The following PLEKHG3 variants were observed in gnomAD, a reference collection of about 807,000 sequenced individuals.
PLEKHG3 encodes the protein pleckstrin homology domain-containing family G member 3.
PLEKHG3 carries 62 observed loss-of-function variants against 94.9 expected under a neutral mutation model. The ratio of observed to expected loss-of-function variants is 0.65; its 90% confidence interval spans 0.53 to 0.81. The LOEUF is 0.81. PLEKHG3 is among the 30% of genes least tolerant of loss of function. The pLI is 0.00. For synonymous variants in PLEKHG3, 614 were observed against 654.0 expected (o/e 0.94, Z 0.93); for missense variants, 1,461 against 1,619.3 (o/e 0.90, Z 1.68).
Position 64,738,792 on chromosome 14 carries a change from T to A in PLEKHG3, c.1455T>A (p.Ser485Arg). Residue 485 changes from serine to arginine, a missense_variant, in exon 15 of 17, where the codon AGT becomes AGA. Physicochemically the swap from Ser to Arg is moderately radical, Grantham distance 110. This residue lies in a region of PLEKHG3 where 1,201 missense variants were observed against 1,295.5 expected (regional missense o/e 0.93). Transcript: ENST00000247226. This position sits in a 1 kb window ranked among gnomAD's most constrained non-coding sequence, Gnocchi z 4.8. ...GCTCCAGGAGCAGCAGAAGGCCCAG[T>A]GGCCGGTCTCCAACCAGTACTGAGA... ...SESSRSSRRP[S>R]GRSPTSTEKR... 1 of 1,600,822 alleles carries A rather than the reference T, an allele frequency of 6.2e-7. No individual in the cohort carries two copies. The highest frequency in any genetic ancestry group is 8.5e-7 in the Non-Finnish European group (1 of 1,173,374).
At chr14:64,735,035 A>G (rs930566461) in intron 12 of PLEKHG3, among the ~76,000 whole-genome samples, 1 of 152,122 alleles carries the variant, frequency 6.6e-6, no homozygotes. Flanking sequence ...TGAAATAGAC[A>G]TCTTTCTAAA....
rs757759889 is a variant in PLEKHG3 at position 64,731,856 on chromosome 14, C to T, written c.1125+50C>T. On this transcript the variant is annotated intron_variant, in intron 9 of 16. Transcript: ENST00000247226. The surrounding 1 kb of genome is among the most constrained non-coding windows in gnomAD (Gnocchi z 6.1). ...GCTAGGGAACAAGATGCCCAGGGGA[C>T]ACCTGCGTGGGACTCCTGGCTCCTC... The T allele has an allele frequency of 1.5e-6, 2 of 1,341,252 alleles. No individual in the cohort carries two copies. Among genetic ancestry groups the T allele is most frequent in the East Asian group, 2.3e-5 (1 of 43,530 alleles). 83.1% of individuals were successfully genotyped at this position (1,341,252 alleles called of 1,614,324 possible). A position where few individuals can be genotyped will look rare whatever the true frequency, so the allele number is the denominator to read the frequency against.
In PLEKHG3 at chr14:64,720,821, C is replaced by T. The variant is rs1036919259; in HGVS notation, c.-39-6772C>T. Among the ~76,000 whole-genome samples the T allele has an allele frequency of 2.6e-5, 4 of 152,216 alleles. No individual in the cohort carries two copies. Among genetic ancestry groups the T allele is most frequent in the African/African-American group, 9.6e-5 (4 of 41,454 alleles). On this transcript the variant is annotated intron_variant, in intron 1 of 16. Coordinates refer to ENST00000247226, the MANE Select transcript of PLEKHG3 (RefSeq NM_001308147.2). The surrounding 1 kb of genome is among the most constrained non-coding windows in gnomAD (Gnocchi z 4.1). Reference sequence around the variant, plus strand: ...ATCCAGGGCAGAATTTGTTTCCTTGCTCTTCCTAGCTTCCCAGGCTGCCTG... The same window carrying T: ...ATCCAGGGCAGAATTTGTTTCCTTGTTCTTCCTAGCTTCCCAGGCTGCCTG...
Position 64,749,405 on chromosome 14 carries a change from C to T in PLEKHG3, c.*5702C>T. The T allele has an allele frequency of 1.9e-6, 3 of 1,608,264 alleles. No homozygotes were observed. Among genetic ancestry groups the T allele is most frequent in the Middle Eastern group, 1.7e-4 (1 of 6,038 alleles). On this transcript the variant is annotated 3_prime_UTR_variant, in exon 17 of 17. Transcript: ENST00000247226. The surrounding 1 kb of genome is among the most constrained non-coding windows in gnomAD (Gnocchi z 4.7). ...GGGAAGGCAGGGGCAGGCTCTGCGC[C>T]TTGACGCGGATGCTCTGGGACTCGT...
intron 12 of PLEKHG3, among the ~76,000 whole-genome samples, chr14:64,734,679 T>C (rs956346223): frequency 2.6e-5 from 4 of 152,124 alleles, no homozygotes; most frequent in Non-Finnish European, 5.9e-5. Flanking sequence ...AAAAAATGTT[T>C]TAACAGTTAT....
rs184101582 is a variant in PLEKHG3, at chr14:64,729,685, C to G, written c.450-558C>G. On this transcript the variant is annotated intron_variant, in intron 3 of 16. Coordinates refer to ENST00000247226, the MANE Select transcript of PLEKHG3 (RefSeq NM_001308147.2). ...GGACAGGAAGAATCGTATCCCAGGC[C>G]CCTTAAGATGGGCAGAGGGAGCTCT... is the stretch of plus-strand genomic sequence containing the variant. Among the ~76,000 whole-genome samples the G allele has an allele frequency of 2.1e-3, 318 of 152,206 alleles. 1 individual carries two copies. Among genetic ancestry groups the G allele is most frequent in the Middle Eastern group, 0.017 (5 of 294 alleles).
Position 64,717,018 on chromosome 14 carries a change from C to G in PLEKHG3, c.-39-10575C>G, listed in dbSNP as rs1279861598. 6.6e-6 allele frequency among the ~76,000 whole-genome samples: 1 copy of G among 151,876 alleles called. No homozygotes were observed. ...GGAACATGGGGGATGGGGGAAGGAG[C>G]TATGGGTAGAGAGGGGCCCCCTGGG... On this transcript the variant is annotated intron_variant, in intron 1 of 16. Transcript: ENST00000247226. The surrounding 1 kb of genome is among the most constrained non-coding windows in gnomAD (Gnocchi z 4.7).
At chr14:64,737,692 C>T (rs1010147825) in intron 14 of PLEKHG3, among the ~76,000 whole-genome samples, 1 of 152,224 alleles carries the variant, frequency 6.6e-6, no homozygotes, top group Non-Finnish European at 1.5e-5. Context: ...TGACCAGGTC[C>T]CAGCCTTTCC....
rs564924336 is a variant in PLEKHG3 at position 64,715,062 on chromosome 14, G to A, written c.-40+10358G>A. On this transcript the variant is annotated intron_variant, in intron 1 of 16. Coordinates refer to ENST00000247226, the MANE Select transcript of PLEKHG3 (RefSeq NM_001308147.2). The surrounding 1 kb of genome is among the most constrained non-coding windows in gnomAD (Gnocchi z 4.4). ...CCCACTGCAAGAGTGTGTGGGTGGA[G>A]AAGGAAGGCCTGTGTCTTGGGGTTG... is the stretch of plus-strand genomic sequence containing the variant. Among the ~76,000 whole-genome samples, 31 of 152,252 alleles carry A rather than the reference G, an allele frequency of 2.0e-4. No individual in the cohort carries two copies. The highest frequency in any genetic ancestry group is 7.2e-4 in the African/African-American group (30 of 41,528).
At position 64,731,750 on chromosome 14, in the gene PLEKHG3, TC is replaced by T; in HGVS notation, c.1072del (p.Leu358CysfsTer37). The T allele has an allele frequency of 6.2e-7, 1 of 1,613,482 alleles. No homozygotes were observed. The highest frequency in any genetic ancestry group is 8.5e-7 in the Non-Finnish European group (1 of 1,179,614). On this transcript the variant is annotated frameshift_variant, in exon 9 of 17. Transcript: ENST00000247226. LOFTEE classifies it high-confidence loss of function. The surrounding 1 kb of genome is among the most constrained non-coding windows in gnomAD (Gnocchi z 6.1). ...GATGCTGATCGAAAGCACCAGAGAC[TC>T]CCTGTGCTTCACTGTCACCCACTAC... ...SLMLIESTRDSLCFTVTHYKH... is the reference protein window; with the variant it reads ...SLMLIESTRDXLCFTVTHYKH...
Position 64,727,637 on chromosome 14 carries a change from T to C in PLEKHG3, c.6T>C (p.Pro2=). The C allele has an allele frequency of 6.2e-7, 1 of 1,607,244 alleles. No homozygotes were observed. The highest frequency in any genetic ancestry group is 1.7e-4 in the Middle Eastern group (1 of 6,048). The change falls in exon 2 of 17, where the codon CCT becomes CCC. Residue 2 remains proline, a synonymous_variant. Coordinates refer to ENST00000247226, the MANE Select transcript of PLEKHG3 (RefSeq NM_001308147.2). This position sits in a 1 kb window ranked among gnomAD's most constrained non-coding sequence, Gnocchi z 6.0. ...CCCCAGGCAGCAATGCCAGGATGCC[T>C]GTGTCCACCTCCCTCCACCAGGATG... is the stretch of plus-strand genomic sequence containing the variant. The part of the protein sequence containing the change: M[P]VSTSLHQDGS...
rs1193230068 is a variant in PLEKHG3, at chr14:64,716,837, A to G, written c.-39-10756A>G. 6.6e-6 allele frequency among the ~76,000 whole-genome samples: 1 copy of G among 152,110 alleles called. No individual in the cohort carries two copies. Among genetic ancestry groups the G allele is most frequent in the Non-Finnish European group, 1.5e-5 (1 of 68,016 alleles). On this transcript the variant is annotated intron_variant, in intron 1 of 16. Transcript: ENST00000247226. The surrounding 1 kb of genome is among the most constrained non-coding windows in gnomAD (Gnocchi z 5.0). ...CTCGGCCGTGTCTCTACACGTGTGC[A>G]CCCCAGAATTGGGATTGGGTAATAC...
rs1274395218 is a variant in PLEKHG3, at chr14:64,716,491, C to CA, written c.-39-11101dup. 7.4e-3 allele frequency among the ~76,000 whole-genome samples: 699 copies of CA among 95,002 alleles called. 2 individuals carry two copies. The highest frequency in any genetic ancestry group is 0.012 in the Non-Finnish European group (539 of 45,982). 62.3% of individuals were successfully genotyped at this position (95,002 alleles called of 152,430 possible). A position where few individuals can be genotyped will look rare whatever the true frequency, so the allele number is the denominator to read the frequency against. On this transcript the variant is annotated intron_variant, in intron 1 of 16. Coordinates refer to ENST00000247226, the MANE Select transcript of PLEKHG3 (RefSeq NM_001308147.2). This position sits in a 1 kb window ranked among gnomAD's most constrained non-coding sequence, Gnocchi z 5.0. ...AACACACACACACACAACACACACA[C>CA]ACACAACACACACACACACACACAC...
chr14:64,707,600 G>A (rs1478153125), intron 1 of PLEKHG3, among the ~76,000 whole-genome samples: 2 of 152,246 alleles, frequency 1.3e-5, no homozygotes, highest in Non-Finnish European at 2.9e-5. Flanking sequence ...AGGGAAGGTA[G>A]GTGTGAATTG....
chr14:64,730,145 C>A lies in PLEKHG3; in HGVS notation c.450-98C>A. The A allele has an allele frequency of 1.4e-6, 1 of 692,390 alleles. No homozygotes were observed. 42.9% of individuals were successfully genotyped at this position (692,390 alleles called of 1,614,324 possible). ...CCAGTTCTTTAGCAAAGCAATAGGG[C>A]TGGCTGTCAGTCAGGGTTTGGGAGG... On this transcript the variant is annotated intron_variant, in intron 3 of 16. Coordinates refer to ENST00000247226, the MANE Select transcript of PLEKHG3 (RefSeq NM_001308147.2). This position sits in a 1 kb window ranked among gnomAD's most constrained non-coding sequence, Gnocchi z 5.4.
chr14:64,736,143 A>G (rs901222770), intron 12 of PLEKHG3, among the ~76,000 whole-genome samples: 5 of 152,230 alleles, frequency 3.3e-5, no homozygotes, highest in East Asian at 1.9e-4. Context: ...GGATAGGCGA[A>G]GGCCGAGGCT....
In PLEKHG3 at chr14:64,731,281, G is replaced by A; in HGVS notation, c.850-80G>A. ...GGATGAGCTGGGCAGTGGCATTGGG[G>A]GAGCCTTTGTGGCAGGGTTTGCAGA... is the stretch of plus-strand genomic sequence containing the variant. On this transcript the variant is annotated intron_variant, in intron 7 of 16. Transcript: ENST00000247226. This position sits in a 1 kb window ranked among gnomAD's most constrained non-coding sequence, Gnocchi z 6.1. The A allele has an allele frequency of 6.8e-7, 1 of 1,473,742 alleles. No homozygotes were observed. The highest frequency in any genetic ancestry group is 9.4e-7 in the Non-Finnish European group (1 of 1,062,128). The allele number at this position is 1,473,742 out of a possible 1,614,324, so 91.3% of individuals were successfully genotyped here. A position where few individuals can be genotyped will look rare whatever the true frequency, so the allele number is the denominator to read the frequency against.
chr14:64,705,634 G>T (rs993990317), intron 1 of PLEKHG3, among the ~76,000 whole-genome samples: 10 of 152,192 alleles, frequency 6.6e-5, no homozygotes, highest in African/African-American at 2.2e-4. Context: ...CCGTGCCTCT[G>T]CACGCAGCCC....
rs930203774 is a variant in PLEKHG3, at chr14:64,715,903, C to G, written c.-40+11199C>G. ...GTATGACCCACACGCAGAACTGGTT[C>G]TGAATAGAACATTTATTGACGAAGT... On this transcript the variant is annotated intron_variant, in intron 1 of 16. Transcript: ENST00000247226. The surrounding 1 kb of genome is among the most constrained non-coding windows in gnomAD (Gnocchi z 4.4). 3.3e-5 allele frequency: 13 copies of G among 396,282 alleles called. No homozygotes were observed. Among genetic ancestry groups the G allele is most frequent in the African/African-American group, 2.7e-4 (13 of 48,066 alleles). The allele number at this position is 396,282 out of a possible 1,614,324, so 24.5% of individuals were successfully genotyped here.
Sources: allele counts gnomAD v4.1 joint callset (sites outside exome capture counted in the v4.1 genomes callset), GRCh38; gene constraint gnomAD v4.1.1; regional missense constraint gnomAD v4.1.1; non-coding constraint Gnocchi (gnomAD v3.1); transcripts MANE v1.5; gene names NCBI Gene and HGNC (gene_info 2026-07-23, HGNC 2026-07-21).